EYS: variants seen among roughly 807,000 people sequenced by gnomAD.
EYS encodes the protein protein eyes shut homolog.
EYS carries 250 observed loss-of-function variants against 282.1 expected under a neutral mutation model. The ratio of observed to expected loss-of-function variants is 0.89; its 90% CI spans 0.80 to 0.98. EYS has a LOEUF of 0.98. Ranked by LOEUF, EYS falls within the 50% of genes least tolerant of loss-of-function variation. The probability of loss-of-function intolerance (pLI) is 0.00; values close to 1 mark genes in which losing one functional copy is unlikely to be tolerated. For synonymous variants in EYS, 1,355 were observed against 1,282.9 expected (o/e 1.06, Z -1.20); for missense variants, 4,016 against 3,709.0 (o/e 1.08, Z -2.15).
At chr6:64,826,404 T>C (rs1403595771) in intron 19 of EYS, among the ~76,000 whole-genome samples, 2 of 151,862 alleles carry the variant, frequency 1.3e-5, no homozygotes, top group Non-Finnish European at 2.9e-5. Flanking sequence ...ATTTCATTCA[T>C]AATGCAGGCA....
At chr6:64,547,791 G>A (rs530948516) in intron 26 of EYS, among the ~76,000 whole-genome samples, 3 of 152,318 alleles carry the variant, frequency 2.0e-5, no homozygotes, top group Admixed American at 6.5e-5. Context: ...GTTGGTCGGG[G>A]CGGCTCGGGC....
intron 22 of EYS, among the ~76,000 whole-genome samples, chr6:64,806,055 A>G (rs1764412417): frequency 6.6e-6 from 1 of 151,698 alleles, no homozygotes; most frequent in Admixed American, 6.6e-5. Flanking sequence ...TACTAATAAG[A>G]ATACATTAAA....
intron 35 of EYS, among the ~76,000 whole-genome samples, chr6:63,913,498 C>G (rs1369361001): frequency 1.3e-5 from 2 of 152,198 alleles, no homozygotes; most frequent in Non-Finnish European, 2.9e-5. Flanking sequence ...ACTATACATA[C>G]TTCCCATGTC....
chr6:63,865,068 A>G (rs1772639085), intron 35 of EYS, among the ~76,000 whole-genome samples: 1 of 152,154 alleles, frequency 6.6e-6, no homozygotes. Flanking sequence ...CCCCTCCACC[A>G]TTCTCAGCCC....
intron 7 of EYS, among the ~76,000 whole-genome samples, chr6:65,390,568 G>GA (rs112040058): frequency 2.8e-4 from 42 of 148,160 alleles, no homozygotes; most frequent in African/African-American, 5.2e-4. Flanking sequence ...GTTTCAGTGA[G>GA]AAAAAAAAAA....
At chr6:63,875,175 G>A (rs1299149620) in intron 35 of EYS, among the ~76,000 whole-genome samples, 2 of 152,152 alleles carry the variant, frequency 1.3e-5, no homozygotes, top group Non-Finnish European at 2.9e-5. Context: ...AGAGTTTTTA[G>A]CATGAAGACC....
intron 24 of EYS, among the ~76,000 whole-genome samples, chr6:64,601,268 C>G (rs1318042720): frequency 6.6e-6 from 1 of 152,052 alleles, no homozygotes; most frequent in Non-Finnish European, 1.5e-5. Context: ...CTCTACTTCA[C>G]ACTTCTCTGA....
chr6:64,709,869 C>T, intron 22 of EYS, among the ~76,000 whole-genome samples: 1 of 152,228 alleles, frequency 6.6e-6, no homozygotes, highest in Middle Eastern at 3.4e-3. Context: ...GGCATATTTT[C>T]AAAATATTTT....
intron 22 of EYS, among the ~76,000 whole-genome samples, chr6:64,683,757 A>C (rs942655341): frequency 3.9e-5 from 6 of 152,230 alleles, no homozygotes; most frequent in African/African-American, 1.2e-4. Context: ...TGTTAGCTCA[A>C]GTTGCTCCAG....
At chr6:64,481,319 C>G (rs1776431251) in intron 26 of EYS, among the ~76,000 whole-genome samples, 2 of 147,372 alleles carry the variant, frequency 1.4e-5, no homozygotes, top group Admixed American at 1.4e-4. Context: ...ATAGAAAAAG[C>G]ATTTTCAGAA....
chr6:64,240,575 A>T (rs1395506226), intron 30 of EYS, among the ~76,000 whole-genome samples: 1 of 152,120 alleles, frequency 6.6e-6, no homozygotes, highest in East Asian at 1.9e-4. Context: ...GGTGTATAGG[A>T]ATGCTTGTGA....
intron 12 of EYS, among the ~76,000 whole-genome samples, chr6:65,239,410 A>G (rs1344021648): frequency 6.6e-6 from 1 of 152,130 alleles, no homozygotes; most frequent in Non-Finnish European, 1.5e-5. Flanking sequence ...ACTAAAGGCT[A>G]GTTTAATATA....
chr6:65,527,989 A>G (rs995836879), intron 2 of EYS, among the ~76,000 whole-genome samples: 5 of 152,204 alleles, frequency 3.3e-5, no homozygotes, highest in African/African-American at 1.2e-4. Flanking sequence ...GCCTAGGATC[A>G]GTTTTTAAAA....
intron 13 of EYS, among the ~76,000 whole-genome samples, chr6:65,018,488 C>T (rs895036377): frequency 6.6e-6 from 1 of 152,142 alleles, no homozygotes; most frequent in African/African-American, 2.4e-5. Flanking sequence ...AAGGGCCCAC[C>T]TACTCCAGTA....
intron 33 of EYS, among the ~76,000 whole-genome samples, chr6:64,011,590 GT>G (rs536269930): frequency 0.06 from 8,225 of 136,094 alleles, 706 homozygotes; most frequent in African/African-American, 0.2. Context: ...AAAGTAGTTT[GT>G]TTTTTTTTTT....
At chr6:64,148,859 G>A (rs1774609532) in intron 31 of EYS, among the ~76,000 whole-genome samples, 1 of 152,048 alleles carries the variant, frequency 6.6e-6, no homozygotes, top group African/African-American at 2.4e-5. Context: ...ACAGAAAAAT[G>A]TTATAAATTT....
chr6:64,684,490 CAGATATG>C (rs1307171504), intron 22 of EYS, among the ~76,000 whole-genome samples: 8 of 151,760 alleles, frequency 5.3e-5, no homozygotes, highest in Non-Finnish European at 1.0e-4. Flanking sequence ...TAAAGAGCAC[CAGATATG>C]GCAAATTTGT....
At chr6:65,700,048 G>A (rs1769608435) in intron 1 of EYS, among the ~76,000 whole-genome samples, 2 of 136,552 alleles carry the variant, frequency 1.5e-5, no homozygotes, top group South Asian at 4.7e-4. Flanking sequence ...CCGGGAGGCA[G>A]AGCTTGCAGT....
intron 3 of EYS, 45 bp from the exon 4 acceptor site, chr6:65,495,652 A>G: frequency 1.8e-6 from 1 of 564,922 alleles, no homozygotes; most frequent in Admixed American, 3.2e-5. Flanking sequence ...GTTTTCCCTA[A>G]ATTAATAATA....
Sources: allele counts gnomAD v4.1 joint callset (sites outside exome capture counted in the v4.1 genomes callset), GRCh38; gene constraint gnomAD v4.1.1; transcripts MANE v1.5; gene names NCBI Gene and HGNC (gene_info 2026-07-23, HGNC 2026-07-21).